SLC35F5: variants seen among roughly 807,000 people sequenced by gnomAD.
SLC35F5 encodes HCV NS5A-transactivated protein 3.
A neutral mutation model predicts 68.6 loss-of-function variants in SLC35F5; 54 were observed. That is an observed-to-expected ratio of 0.79 (90% CI 0.63 to 0.99). SLC35F5 has a LOEUF of 0.99. SLC35F5 is among the 50% of genes least tolerant of loss of function. The probability of loss-of-function intolerance (pLI) is 0.00; values close to 1 mark genes in which losing one functional copy is unlikely to be tolerated. For synonymous variants in SLC35F5, 211 were observed against 205.2 expected, an observed-to-expected ratio of 1.03 and a Z score of -0.24; for missense variants, 567 against 626.9, an observed-to-expected ratio of 0.90 and a Z score of 1.02.
intron 13 of SLC35F5, among the ~76,000 whole-genome samples, chr2:113,720,954 T>C (rs1445869042): frequency 6.6e-6 from 1 of 152,150 alleles, no homozygotes; most frequent in Non-Finnish European, 1.5e-5. Flanking sequence ...AGCCATTTAT[T>C]ACAACAAAGA....
intron 11 of SLC35F5, among the ~76,000 whole-genome samples, chr2:113,727,891 A>T: frequency 6.6e-6 from 1 of 152,216 alleles, no homozygotes; most frequent in Non-Finnish European, 1.5e-5. Context: ...TTTAAAAAGT[A>T]CCACTGACCC....
chr2:113,726,041 G>A (rs1349503362), intron 11 of SLC35F5, among the ~76,000 whole-genome samples: 1 of 152,168 alleles, frequency 6.6e-6, no homozygotes, highest in African/African-American at 2.4e-5. Flanking sequence ...CCTCTAACTA[G>A]TTAGTGAGAA....
At chr2:113,752,039 C>T (rs1676766277) in intron 3 of SLC35F5, among the ~76,000 whole-genome samples, 1 of 152,058 alleles carries the variant, frequency 6.6e-6, no homozygotes, top group Non-Finnish European at 1.5e-5. Flanking sequence ...CAGTGAAACC[C>T]AGTCTGTACT....
At position 113,712,551 on chromosome 2, in the gene SLC35F5, G is replaced by A. The variant is rs554411724; in HGVS notation, c.*2667C>T. 6.6e-6 allele frequency among the ~76,000 whole-genome samples: 1 copy of A among 152,196 alleles called. No homozygotes were observed. The highest frequency in any genetic ancestry group is 6.5e-5 in the Admixed American group (1 of 15,292). On this transcript the variant is annotated 3_prime_UTR_variant, in exon 16 of 16. Coordinates refer to ENST00000245680, the MANE Select transcript of SLC35F5 (RefSeq NM_025181.5). ...AGGATGGTCTCGATCTCCTGACCTC[G>A]TGATCCGCCCGCCTCGGCCTCCCAA...
At chr2:113,718,722 G>A in intron 14 of SLC35F5, among the ~76,000 whole-genome samples, 1 of 151,958 alleles carries the variant, frequency 6.6e-6, no homozygotes. Flanking sequence ...TTGAACCCAG[G>A]AGGCAGAGGT....
intron 7 of SLC35F5, among the ~76,000 whole-genome samples, chr2:113,736,499 A>T (rs1688102099): frequency 6.6e-6 from 1 of 152,180 alleles, no homozygotes; most frequent in Non-Finnish European, 1.5e-5. Flanking sequence ...AAGTTTATCT[A>T]AATCATATTT....
downstream of SLC35F5, among the ~76,000 whole-genome samples, chr2:113,703,288 C>T (rs961747292): frequency 6.6e-6 from 1 of 152,060 alleles, no homozygotes. Context: ...ACACGACTCA[C>T]GAGTTACAAC....
intron 9 of SLC35F5, 46 bp from the exon 10 acceptor site, chr2:113,731,694 A>T: frequency 1.4e-6 from 2 of 1,440,194 alleles, no homozygotes; most frequent in Non-Finnish European, 2.0e-6. Flanking sequence ...AATTCTGAAA[A>T]GCCTAATCAT....
chr2:113,749,218 A>G (rs1198129373), intron 4 of SLC35F5, among the ~76,000 whole-genome samples: 3 of 152,190 alleles, frequency 2.0e-5, no homozygotes, highest in Non-Finnish European at 4.4e-5. Context: ...AAAGCCCCTG[A>G]CTGCTGGGTG....
Position 113,723,111 on chromosome 2 carries a change from A to C in SLC35F5, c.1334T>G (p.Met445Arg). ...IPLSIIADMC[M>R]QKVQFSWLFF... is the part of the protein sequence containing the mutation. The stretch of plus-strand genomic sequence containing the variant: ...AATAAATAGTTTCCTTACCTTTTGC[A>C]TACACATGTCAGCTATTATGGACAG... Residue 445 changes from methionine to arginine, a missense_variant, in exon 13 of 16, where the codon ATG becomes AGG. Physicochemically the swap from Met to Arg is moderately conservative, Grantham distance 91. Transcript: ENST00000245680. The C allele has an allele frequency of 6.4e-7, 1 of 1,551,074 alleles. No individual in the cohort carries two copies. Among genetic ancestry groups the C allele is most frequent in the South Asian group, 1.3e-5 (1 of 76,614 alleles).
At position 113,756,204 on chromosome 2, in the gene SLC35F5, G is replaced by C. The variant is rs535479901; in HGVS notation, c.40+166C>G. 5.3e-6 allele frequency: 8 copies of C among 1,496,380 alleles called. No individual in the cohort carries two copies. The South Asian group carries it at 7.7e-5, about 14-fold the overall frequency. The allele number at this position is 1,496,380 out of a possible 1,614,324, so 92.7% of individuals were successfully genotyped here. On this transcript the variant is annotated intron_variant, in intron 1 of 15. Coordinates refer to ENST00000245680, the MANE Select transcript of SLC35F5 (RefSeq NM_025181.5). ...TCCTCAATTGCCAGCGGTGGGCGCA[G>C]GGCTCCGGCGCCCCTGTCAGCTCCC...
intron 15 of SLC35F5, among the ~76,000 whole-genome samples, chr2:113,715,479 C>T (rs1240357919): frequency 6.6e-6 from 1 of 152,094 alleles, no homozygotes; most frequent in East Asian, 1.9e-4. Context: ...GTCACCTGCC[C>T]AGTCTATTCT....
chr2:113,743,632 T>C, intron 6 of SLC35F5, 81 bp downstream of exon 6: 1 of 1,081,196 alleles, frequency 9.2e-7, no homozygotes, highest in Non-Finnish European at 1.4e-6. Flanking sequence ...GCTACATGTT[T>C]CAGTCAACCC....
chr2:113,740,583 C>A (rs1283263869), intron 7 of SLC35F5, among the ~76,000 whole-genome samples: 1 of 152,116 alleles, frequency 6.6e-6, no homozygotes, highest in Admixed American at 6.6e-5. Flanking sequence ...AAAGTACATT[C>A]ACACTGTTAT....
intron 10 of SLC35F5, among the ~76,000 whole-genome samples, chr2:113,729,756 A>G (rs1687811295): frequency 6.6e-6 from 1 of 151,850 alleles, no homozygotes; most frequent in African/African-American, 2.4e-5. Context: ...CACCTCAATG[A>G]TTCGACCAAA....
In SLC35F5 at chr2:113,755,551, A is replaced by G. The variant is rs1339686846; in HGVS notation, c.41-7T>C. The G allele has an allele frequency of 2.5e-6, 4 of 1,611,676 alleles. No homozygotes were observed. The East Asian group carries it at 6.7e-5, about 27-fold the overall frequency. On this transcript the variant is annotated splice_region_variant and splice_polypyrimidine_tract_variant and intron_variant, in intron 1 of 15. Coordinates refer to ENST00000245680, the MANE Select transcript of SLC35F5 (RefSeq NM_025181.5). ...GGTGAAGAACTCAGCACCCCTAAAA[A>G]CAACCATGAAATTATGCTATGAAAA...
In SLC35F5 at chr2:113,755,302, G is replaced by T; in HGVS notation, c.136C>A (p.Gln46Lys). The change falls in exon 3 of 16, where the codon CAA (glutamine) becomes AAA (lysine). Residue 46 changes from glutamine to lysine, a missense_variant. By Grantham distance (53) the Gln-to-Lys change is moderately conservative (BLOSUM62 1). Coordinates refer to ENST00000245680, the MANE Select transcript of SLC35F5 (RefSeq NM_025181.5). ...TTCATGACAAATACACACACCATTT[G>T]CAGTCTGTTTTTTAGAAAATACAGA... ...DLRRALKTRL[Q>K]MVCVFVMNRM... 1 of 1,613,858 alleles carries T rather than the reference G, an allele frequency of 6.2e-7. No individual in the cohort carries two copies. Among genetic ancestry groups the T allele is most frequent in the Non-Finnish European group, 8.5e-7 (1 of 1,179,842 alleles).
intron 9 of SLC35F5, 47 bp from the exon 10 acceptor site, chr2:113,731,695 G>A (rs1453341694): frequency 1.4e-6 from 2 of 1,426,538 alleles, no homozygotes; most frequent in South Asian, 2.3e-5. Flanking sequence ...ATTCTGAAAA[G>A]CCTAATCATG....
intron 9 of SLC35F5, among the ~76,000 whole-genome samples, chr2:113,732,608 C>T (rs933934757): frequency 3.9e-5 from 6 of 152,120 alleles, no homozygotes; most frequent in African/African-American, 1.4e-4. Flanking sequence ...GTAATAATCA[C>T]TGTTCATATT....
Sources: gnomAD v4.1 joint callset for allele counts (sites outside exome capture counted in the v4.1 genomes callset) on GRCh38, gnomAD v4.1.1 for gene constraint, MANE v1.5 for transcripts, NCBI Gene and HGNC (gene_info 2026-07-23, HGNC 2026-07-21) for gene names.